Variants in SYN2 observed in about 807,000 individuals in gnomAD.
The protein encoded by SYN2 is synapsin-2.
A neutral mutation model predicts 50.9 loss-of-function variants in SYN2; 19 were observed. That is an observed-to-expected ratio of 0.37 (90% CI 0.26 to 0.55). The LOEUF is 0.55. Among genes scored for constraint, SYN2 ranks in the 20% least tolerant of loss-of-function variants. The probability of loss-of-function intolerance (pLI) is 0.81; values close to 1 mark genes in which losing one functional copy is unlikely to be tolerated. For synonymous variants in SYN2, 255 were observed against 224.9 expected (o/e 1.13, Z -1.20); for missense variants, 587 against 576.4 (o/e 1.02, Z -0.19).
chr3:12,020,388 T>G (rs1694107791), intron 1 of SYN2, among the ~76,000 whole-genome samples: 1 of 139,750 alleles, frequency 7.2e-6, no homozygotes, highest in South Asian at 2.6e-4. Flanking sequence ...GTCCCCCCAG[T>G]TGATTCCAGC....
chr3:12,108,192 AAAAT>A (rs1051876011), intron 1 of SYN2, among the ~76,000 whole-genome samples: 5 of 152,200 alleles, frequency 3.3e-5, no homozygotes, highest in African/African-American at 1.2e-4. Flanking sequence ...CCTGTCTCAA[AAAAT>A]AAATAAATAA....
intron 1 of SYN2, among the ~76,000 whole-genome samples, chr3:12,054,435 C>G (rs551057016): frequency 6.6e-6 from 1 of 152,286 alleles, no homozygotes; most frequent in East Asian, 1.9e-4. Context: ...GAAGGTTTAA[C>G]TACATGAGTC....
chr3:12,157,294 G>T, intron 5 of SYN2: 1 of 1,224,244 alleles, frequency 8.2e-7, no homozygotes, highest in Non-Finnish European at 1.2e-6. Context: ...ACTGAGCCAG[G>T]CCACCTGAAA....
At chr3:12,132,616 G>T (rs1696818809) in intron 1 of SYN2, among the ~76,000 whole-genome samples, 1 of 152,128 alleles carries the variant, frequency 6.6e-6, no homozygotes, top group South Asian at 2.1e-4. Context: ...TAAAATCAGA[G>T]TCATTTCATT....
At chr3:12,184,856 G>A (rs562188432) in intron 11 of SYN2, 1 of 985,700 alleles carries the variant, frequency 1.0e-6, no homozygotes, top group Non-Finnish European at 1.2e-6. Flanking sequence ...CATGGTCCGT[G>A]GAAGTTCATG....
intron 1 of SYN2, among the ~76,000 whole-genome samples, chr3:12,130,347 A>C (rs1696768559): frequency 6.6e-6 from 1 of 152,112 alleles, no homozygotes; most frequent in African/African-American, 2.4e-5. Flanking sequence ...AGGAGAGCTA[A>C]TGATAGTTCC....
intron 5 of SYN2, chr3:12,156,895 T>C (rs1402915790): frequency 6.2e-7 from 1 of 1,614,106 alleles, no homozygotes; most frequent in African/African-American, 1.3e-5. Context: ...GGCGTATAGA[T>C]ATACTGAACA....
intron 1 of SYN2, among the ~76,000 whole-genome samples, chr3:12,126,020 C>G (rs1045979403): frequency 1.8e-4 from 27 of 152,150 alleles, no homozygotes; most frequent in African/African-American, 6.5e-4. Flanking sequence ...TTAAGTCACT[C>G]AAGTGAAGAT....
intron 1 of SYN2, among the ~76,000 whole-genome samples, chr3:12,067,423 C>A (rs1227559526): frequency 6.6e-6 from 1 of 152,158 alleles, no homozygotes. Context: ...TCTCCCTGGT[C>A]CCTACTGTAT....
chr3:12,023,978 C>G (rs977986510), intron 1 of SYN2, among the ~76,000 whole-genome samples: 2 of 151,988 alleles, frequency 1.3e-5, no homozygotes, highest in Non-Finnish European at 2.9e-5. Context: ...GGTTTGTTTT[C>G]TCTGTAGACT....
chr3:12,041,925 T>C (rs1437992264), intron 1 of SYN2, among the ~76,000 whole-genome samples: 3 of 152,208 alleles, frequency 2.0e-5, no homozygotes, highest in African/African-American at 7.2e-5. Context: ...GTTCCTTTCT[T>C]CTCTAGCTAA....
In SYN2 at chr3:12,161,828, T is replaced by C. The variant is rs956765350; in HGVS notation, c.838-184T>C. ...GGTCCTCTGGGTCCTTTGCAGCAAG[T>C]GTGGCCCTTGAGTTCTGGGAAGGGA... On this transcript the variant is annotated intron_variant, in intron 6 of 12. Coordinates refer to ENST00000621198, the MANE Select transcript of SYN2 (RefSeq NM_133625.6). 1.0e-5 allele frequency: 10 copies of C among 1,003,116 alleles called. No individual in the cohort carries two copies. The South Asian group carries it at 1.2e-4, about 12-fold the overall frequency. The allele number at this position is 1,003,116 out of a possible 1,614,324, so 62.1% of individuals were successfully genotyped here.
At chr3:12,068,146 T>C (rs1695261874) in intron 1 of SYN2, among the ~76,000 whole-genome samples, 1 of 151,642 alleles carries the variant, frequency 6.6e-6, no homozygotes, top group South Asian at 2.1e-4. Flanking sequence ...TTGATATCGC[T>C]CTTTTTTTAT....
chr3:12,083,516 A>G (rs1234153117), intron 1 of SYN2, among the ~76,000 whole-genome samples: 1 of 152,206 alleles, frequency 6.6e-6, no homozygotes, highest in Non-Finnish European at 1.5e-5. Context: ...AGGAATGTTT[A>G]TTCCTTCCTC....
chr3:12,038,629 T>A (rs1276753343), intron 1 of SYN2, among the ~76,000 whole-genome samples: 1 of 152,222 alleles, frequency 6.6e-6, no homozygotes, highest in African/African-American at 2.4e-5. Flanking sequence ...GTACTTATTT[T>A]AAAATTCTTA....
intron 1 of SYN2, among the ~76,000 whole-genome samples, chr3:12,105,240 A>G (rs114235141): frequency 0.01 from 1,558 of 152,218 alleles, 43 homozygotes; most frequent in African/African-American, 0.036. Context: ...TAGGAGGAAT[A>G]GAGATTTTTG....
At chr3:12,179,550 C>T (rs1698175599) in intron 10 of SYN2, among the ~76,000 whole-genome samples, 1 of 152,146 alleles carries the variant, frequency 6.6e-6, no homozygotes, top group African/African-American at 2.4e-5. Flanking sequence ...CAGCCCTTGA[C>T]ACTATTCAGA....
At chr3:12,045,960 C>A (rs570367464) in intron 1 of SYN2, among the ~76,000 whole-genome samples, 2 of 152,300 alleles carry the variant, frequency 1.3e-5, no homozygotes, top group South Asian at 4.1e-4. Flanking sequence ...GAATAACTTG[C>A]TTCTTTCATT....
chr3:12,161,541 T>G lies in SYN2; in HGVS notation c.775-5T>G, dbSNP rs1185080050. ...ACAGTTTATTCATTTCTCTTCTGAT[T>G]TCAGCTGACACTGCCCACGTTCCCT... On this transcript the variant is annotated splice_polypyrimidine_tract_variant and splice_region_variant and intron_variant, in intron 5 of 12. Transcript: ENST00000621198. The G allele has an allele frequency of 6.2e-7, 1 of 1,613,992 alleles. No homozygotes were observed. Among genetic ancestry groups the G allele is most frequent in the Non-Finnish European group, 8.5e-7 (1 of 1,179,888 alleles).
Sources: allele counts gnomAD v4.1 joint callset (sites outside exome capture counted in the v4.1 genomes callset), GRCh38; gene constraint gnomAD v4.1.1; transcripts MANE v1.5; gene names NCBI Gene and HGNC (gene_info 2026-07-23, HGNC 2026-07-21).